Variants in ANKFN1 observed in about 807,000 individuals in gnomAD.
ANKFN1 encodes ankyrin repeat and fibronectin type III domain containing 1, also known as ankyrin repeat and fibronectin type-III domain-containing protein 1.
ANKFN1 carries 74 observed loss-of-function variants against 108.7 expected under a neutral mutation model. That is an observed-to-expected ratio of 0.68 (90% CI 0.56 to 0.83). The LOEUF is 0.83. ANKFN1 is among the 40% of genes least tolerant of loss of function. The pLI is 0.00. For missense variants in ANKFN1, 1,505 were observed against 1,382.3 expected (o/e 1.09, Z -1.41); for synonymous variants, 547 against 516.2 (o/e 1.06, Z -0.81).
intron 4 of ANKFN1, among the ~76,000 whole-genome samples, chr17:56,349,079 G>T (rs1436956923): frequency 6.6e-6 from 1 of 152,138 alleles, no homozygotes; most frequent in Non-Finnish European, 1.5e-5. Flanking sequence ...TCTTTGTAGG[G>T]ACATGGATGA....
intron 4 of ANKFN1, among the ~76,000 whole-genome samples, chr17:56,061,754 C>A (rs570929388): frequency 1.3e-5 from 2 of 152,262 alleles, no homozygotes; most frequent in East Asian, 1.9e-4. Flanking sequence ...TACTCTATCT[C>A]CTTCAGTTCT....
chr17:56,243,702 C>G (rs770446300), intron 3 of ANKFN1, among the ~76,000 whole-genome samples: 29 of 152,124 alleles, frequency 1.9e-4, no homozygotes, highest in Non-Finnish European at 3.5e-4. Context: ...CCTTCACCCC[C>G]ATCCCATCCC....
At chr17:56,132,528 C>T (rs1454158652) in intron 4 of ANKFN1, among the ~76,000 whole-genome samples, 8 of 152,040 alleles carry the variant, frequency 5.3e-5, no homozygotes, top group Non-Finnish European at 1.2e-4. Flanking sequence ...AATGGGTTTT[C>T]CTAAAATCGG....
intron 1 of ANKFN1, among the ~76,000 whole-genome samples, chr17:56,180,575 A>T (rs1354205742): frequency 6.6e-6 from 1 of 152,208 alleles, no homozygotes; most frequent in Non-Finnish European, 1.5e-5. Context: ...AGGTTCCCCC[A>T]GTATGTAGTG....
chr17:56,353,210 C>T (rs2046290072), intron 5 of ANKFN1, among the ~76,000 whole-genome samples: 1 of 151,184 alleles, frequency 6.6e-6, no homozygotes, highest in Admixed American at 6.6e-5. Flanking sequence ...TGACCACATG[C>T]TATTTTCTTC....
At chr17:56,069,554 T>G (rs1383926596) in intron 4 of ANKFN1, among the ~76,000 whole-genome samples, 1 of 152,204 alleles carries the variant, frequency 6.6e-6, no homozygotes, top group Non-Finnish European at 1.5e-5. Context: ...ACTAGGTCAA[T>G]TTTTGAACTG....
chr17:56,272,068 T>G (rs912281646), intron 3 of ANKFN1, among the ~76,000 whole-genome samples: 1 of 152,222 alleles, frequency 6.6e-6, no homozygotes, highest in Non-Finnish European at 1.5e-5. Flanking sequence ...TAGGACAATA[T>G]TAGAACACCT....
chr17:56,390,789 A>G (rs2047404697), intron 8 of ANKFN1, among the ~76,000 whole-genome samples: 1 of 152,018 alleles, frequency 6.6e-6, no homozygotes, highest in African/African-American at 2.4e-5. Context: ...GCATTTCTCT[A>G]ATGACCAACG....
chr17:56,179,567 A>G (rs1377554954), intron 1 of ANKFN1, among the ~76,000 whole-genome samples: 2 of 152,214 alleles, frequency 1.3e-5, no homozygotes, highest in African/African-American at 4.8e-5. Flanking sequence ...TTCTGCCCCT[A>G]GCTCGGGCTG....
intron 1 of ANKFN1, among the ~76,000 whole-genome samples, chr17:56,174,755 T>A (rs573510445): frequency 6.6e-6 from 1 of 152,286 alleles, no homozygotes; most frequent in Non-Finnish European, 1.5e-5. Context: ...AAGATTGATC[T>A]CCCTAGCGGA....
At chr17:56,482,235 A>G (rs2050731952) in intron 17 of ANKFN1, 121 bp from the exon 18 acceptor site, 2 of 882,340 alleles carry the variant, frequency 2.3e-6, no homozygotes, top group East Asian at 2.6e-5. Context: ...TTTATGTTGT[A>G]TAAAAATTCC....
intron 4 of ANKFN1, among the ~76,000 whole-genome samples, chr17:56,124,284 G>A (rs73993541): frequency 5.9e-5 from 9 of 152,170 alleles, no homozygotes; most frequent in Admixed American, 2.0e-4. Context: ...ACAGATAAAA[G>A]TGCTGAGGCA....
intron 8 of ANKFN1, among the ~76,000 whole-genome samples, chr17:56,424,583 C>A (rs150155583): frequency 5.9e-4 from 90 of 152,320 alleles, no homozygotes; most frequent in African/African-American, 2.1e-3. Context: ...CCCCAGTCTG[C>A]CCTTCCTTGG....
Position 56,383,529 on chromosome 17 carries a change from A to G in ANKFN1, c.910+8815A>G, listed in dbSNP as rs965738590. ...ACACAAAAAACCCTTCAAAAAATTA[A>G]TGAATCCAGGAGCTGGTTTTTTGAA... is the stretch of plus-strand genomic sequence containing the variant. On this transcript the variant is annotated intron_variant, in intron 8 of 20. Transcript: ENST00000682825. Among the ~76,000 whole-genome samples, 6 of 152,222 alleles carry G rather than the reference A, an allele frequency of 3.9e-5. No individual in the cohort carries two copies. The East Asian group carries it at 7.7e-4, about 20-fold the overall frequency.
At chr17:56,428,051 G>C (rs1030399176) in intron 8 of ANKFN1, among the ~76,000 whole-genome samples, 1 of 152,028 alleles carries the variant, frequency 6.6e-6, no homozygotes, top group African/African-American at 2.4e-5. Context: ...TGGCCAACAT[G>C]ATGAAACCCC....
chr17:56,263,841 G>A (rs1225935707), intron 3 of ANKFN1, among the ~76,000 whole-genome samples: 3 of 152,176 alleles, frequency 2.0e-5, no homozygotes, highest in Non-Finnish European at 2.9e-5. Flanking sequence ...GATACCTGCT[G>A]TTGTACCTTA....
In ANKFN1 at chr17:56,262,595, A is replaced by G. The variant is rs552953416; in HGVS notation, c.53+34638A>G. 2.6e-3 allele frequency among the ~76,000 whole-genome samples: 400 copies of G among 152,316 alleles called. 1 individual carries two copies. The highest frequency in any genetic ancestry group is 4.6e-3 in the Non-Finnish European group (310 of 68,026). On this transcript the variant is annotated intron_variant, in intron 3 of 20. Coordinates refer to ENST00000682825, the MANE Select transcript of ANKFN1 (RefSeq NM_001370326.1). The stretch of plus-strand genomic sequence containing the variant: ...TTTTTATCAGAGTAGGTGGGAAGGC[A>G]GTTTCTTTTGTAGCATTTGAAAATA...
intron 8 of ANKFN1, among the ~76,000 whole-genome samples, chr17:56,414,803 A>T (rs1340902266): frequency 6.6e-6 from 1 of 152,094 alleles, no homozygotes; most frequent in Admixed American, 6.5e-5. Context: ...CAGATTGCTT[A>T]AGTCCAGGAG....
chr17:56,193,887 G>T (rs918291409), intron 1 of ANKFN1, among the ~76,000 whole-genome samples: 1 of 152,130 alleles, frequency 6.6e-6, no homozygotes, highest in Non-Finnish European at 1.5e-5. Flanking sequence ...ATCTGATAAA[G>T]GATTGTCATC....
Sources: gnomAD v4.1 joint callset for allele counts (sites outside exome capture counted in the v4.1 genomes callset) on GRCh38, gnomAD v4.1.1 for gene constraint, MANE v1.5 for transcripts, NCBI Gene and HGNC (gene_info 2026-07-23, HGNC 2026-07-21) for gene names.